The following ADAMTS7 variants were observed in gnomAD, a reference collection of about 807,000 sequenced individuals.
The protein encoded by ADAMTS7 is ADAM metallopeptidase with thrombospondin type 1 motif 7.
A neutral mutation model predicts 172.6 loss-of-function variants in ADAMTS7; 89 were observed. The observed-to-expected ratio is 0.52, with a 90% CI of 0.43 to 0.61. ADAMTS7 has a LOEUF of 0.61. ADAMTS7 is among the 20% of genes least tolerant of loss of function. The pLI, the probability that ADAMTS7 is intolerant of heterozygous loss-of-function variation, is 0.00. For missense variants in ADAMTS7, 1,973 were observed against 2,355.6 expected (o/e 0.84, Z 3.36); for synonymous variants, 885 against 978.4 (o/e 0.90, Z 1.78).
At chr15:78,806,599 C>T (rs1307086217) in intron 1 of ADAMTS7, among the ~76,000 whole-genome samples, 1 of 151,962 alleles carries the variant, frequency 6.6e-6, no homozygotes, top group Non-Finnish European at 1.5e-5. Context: ...TTGGAGAATC[C>T]AGGCCAGAAA....
chr15:78,811,346 C>T lies in ADAMTS7; in HGVS notation c.-126G>A. 1 of 1,141,710 alleles carries T rather than the reference C, an allele frequency of 8.8e-7. No individual in the cohort carries two copies. The highest frequency in any genetic ancestry group is 1.1e-6 in the Non-Finnish European group (1 of 911,228). The allele number at this position is 1,141,710 out of a possible 1,614,324, so 70.7% of individuals were successfully genotyped here. ...CGGCGTGCAGCTCCCGGCGACCCGG[C>T]CCCGACTCCGTTCGGCTGCGCTCGG... On this transcript the variant is annotated 5_prime_UTR_variant, in exon 1 of 24. Coordinates refer to ENST00000388820, the MANE Select transcript of ADAMTS7 (RefSeq NM_014272.5).
At chr15:78,770,704 A>G (rs12593429) in intron 16 of ADAMTS7, 148,525 of 148,722 alleles carry the variant, frequency 1, 74,164 homozygotes, top group Middle Eastern at 1. Flanking sequence ...GGGAGGAGAC[A>G]GAGGGCCAGA....
In ADAMTS7 at chr15:78,777,472, G is replaced by A. The variant is rs747684452; in HGVS notation, c.1439C>T (p.Ala480Val). 1.9e-6 allele frequency: 3 copies of A among 1,613,098 alleles called. No individual in the cohort carries two copies. The highest frequency in any genetic ancestry group is 8.5e-7 in the Non-Finnish European group (1 of 1,179,672). ...CATGTCCTCGCAGAAGGCAGAGTAG[G>A]CCCCGTACTGGAGGCGGCACTGGTG... ...VSHQCRLQYG[A>V]YSAFCEDMDN... The change falls in exon 9 of 24, where the codon GCC becomes GTC. Residue 480 changes from alanine to valine, a missense_variant. Ala to Val is a moderately conservative substitution (Grantham distance 64). Around this residue, in one of 8 missense-constraint regions of ADAMTS7, gnomAD observed 526 missense variants for 662.9 expected, o/e 0.79. Transcript: ENST00000388820.
At position 78,776,421 on chromosome 15, in the gene ADAMTS7, T is replaced by A; in HGVS notation, c.1561-88A>T. 4 of 1,515,960 alleles carry A rather than the reference T, an allele frequency of 2.6e-6. No individual in the cohort carries two copies. The South Asian group carries it at 3.8e-5, about 14-fold the overall frequency. The allele number at this position is 1,515,960 out of a possible 1,614,324, so 93.9% of individuals were successfully genotyped here. ...GTGAGAACAAGGTGGGTGGGAAGGC[T>A]GCGAAAGGCACAGAGGGGAAGGATG... On this transcript the variant is annotated intron_variant, in intron 10 of 23. Coordinates refer to ENST00000388820, the MANE Select transcript of ADAMTS7 (RefSeq NM_014272.5).
At chr15:78,759,685 CAG>C in intron 23 of ADAMTS7, 107 bp from the exon 24 acceptor site, 1 of 1,308,698 alleles carries the variant, frequency 7.6e-7, no homozygotes, top group South Asian at 1.6e-5. Flanking sequence ...CCCCACCAAG[CAG>C]AGAGCCCCAG....
Position 78,763,703 on chromosome 15 carries a change from C to T in ADAMTS7, c.4736G>A (p.Gly1579Asp), listed in dbSNP as rs368245832. The T allele has an allele frequency of 2.0e-6, 3 of 1,536,086 alleles. No individual in the cohort carries two copies. The highest frequency in any genetic ancestry group is 2.6e-6 in the Non-Finnish European group (3 of 1,145,168). Residue 1579 changes from glycine (G) to aspartate (D), a missense_variant, in exon 22 of 24, where the codon GGC becomes GAC. Transcript: ENST00000388820. ...PCTQWVVGPW[G>D]QCSGPCGGGV... is the part of the protein sequence containing the mutation. Reference sequence around the variant, plus strand: ...CCTCCCCGCAGCCCGGCTCACCTGGCCCCAGGGCCCCACCACCCACTGCGT... The same window carrying T: ...CCTCCCCGCAGCCCGGCTCACCTGGTCCCAGGGCCCCACCACCCACTGCGT...
At chr15:78,764,801 G>A (rs1383310439) in intron 19 of ADAMTS7, 94 bp from the exon 20 acceptor site, 18 of 1,314,144 alleles carry the variant, frequency 1.4e-5, no homozygotes, top group Non-Finnish European at 1.5e-5. Flanking sequence ...CGAGACCTCA[G>A]CAAGACAGGG....
Position 78,790,814 on chromosome 15 carries a change from C to T in ADAMTS7, c.904-20G>A. 6.2e-7 allele frequency: 1 copy of T among 1,611,998 alleles called. No homozygotes were observed. Among genetic ancestry groups the T allele is most frequent in the East Asian group, 2.2e-5 (1 of 44,862 alleles). On this transcript the variant is annotated intron_variant, in intron 5 of 23. Transcript: ENST00000388820. ...GTCCTCCTGGGGGCAGAGAGAGTGACTGCTCATGCCTCCCCTGAGTTCCAA... is the reference window on the plus strand; with the variant it reads ...GTCCTCCTGGGGGCAGAGAGAGTGATTGCTCATGCCTCCCCTGAGTTCCAA...
chr15:78,775,042 G>C (rs1319109310), intron 11 of ADAMTS7, among the ~76,000 whole-genome samples: 1 of 152,200 alleles, frequency 6.6e-6, no homozygotes. Flanking sequence ...GTGTGACCGT[G>C]GGCAAGTCTT....
intron 8 of ADAMTS7, among the ~76,000 whole-genome samples, chr15:78,786,384 G>A (rs1242430205): frequency 1.3e-5 from 2 of 152,130 alleles, no homozygotes; most frequent in African/African-American, 4.8e-5. Flanking sequence ...GTAGGAGTTC[G>A]GTGAGACTCA....
chr15:78,774,828 C>T, intron 11 of ADAMTS7, 35 bp from the exon 12 acceptor site: 1 of 1,555,046 alleles, frequency 6.4e-7, no homozygotes, highest in Non-Finnish European at 8.7e-7. Context: ...CCAGTGACGG[C>T]CCAGTGAGTG....
chr15:78,765,670 C>A lies in ADAMTS7; in HGVS notation c.4241G>T (p.Gly1414Val), dbSNP rs1308694005. The A allele has an allele frequency of 4.3e-6, 7 of 1,610,078 alleles. No individual in the cohort carries two copies. The highest frequency in any genetic ancestry group is 5.9e-6 in the Non-Finnish European group (7 of 1,179,498). The change falls in exon 19 of 24, where the codon GGC becomes GTC. Residue 1414 changes from glycine to valine, a missense_variant. Gly to Val is a moderately radical substitution (Grantham distance 109). This residue lies in a region of ADAMTS7 where 771 missense variants were observed against 952.6 expected (regional missense o/e 0.81). Transcript: ENST00000388820. Reference sequence around the variant, plus strand: ...CTCGCTCCAGTTTCCCGCTTGCCAGCCGGCGTTCCTGACAACCAACGGGTC... The same window carrying A: ...CTCGCTCCAGTTTCCCGCTTGCCAGACGGCGTTCCTGACAACCAACGGGTC... ...PADPLVVRNA[G>V]WQAGNWSECS...
chr15:78,762,127 A>C (rs1176555056), intron 23 of ADAMTS7: 12 of 962,818 alleles, frequency 1.2e-5, no homozygotes, highest in Non-Finnish European at 1.5e-5. Flanking sequence ...ACAGCAAATC[A>C]GGGGCCAGGG....
In ADAMTS7 at chr15:78,766,509, A is replaced by G. The variant is rs772465707; in HGVS notation, c.3402T>C (p.Pro1134=). Residue 1134 remains proline, a synonymous_variant, in exon 19 of 24, where the codon CCT becomes CCC. Transcript: ENST00000388820. Reference sequence around the variant, plus strand: ...GGGGTGGGGAGCGGCCGGCCTGGCTAGGCCAAGGGCTCGGGGACCAAGGTC... The same window carrying G: ...GGGGTGGGGAGCGGCCGGCCTGGCTGGGCCAAGGGCTCGGGGACCAAGGTC... The part of the protein sequence containing the change: ...VLGPWSPSPW[P]SQAGRSPPPP... The G allele has an allele frequency of 8.3e-5, 131 of 1,583,330 alleles. 1 individual carries two copies. Among genetic ancestry groups the G allele is most frequent in the Middle Eastern group, 4.6e-4 (2 of 4,312 alleles).
In ADAMTS7 at chr15:78,771,173, G is replaced by C. The variant is rs138365566; in HGVS notation, c.2507C>G (p.Thr836Ser). 81 of 1,609,240 alleles carry C rather than the reference G, an allele frequency of 5.0e-5. No homozygotes were observed. The highest frequency in any genetic ancestry group is 4.3e-4 in the Middle Eastern group (2 of 4,694). The change falls in exon 16 of 24, where the codon ACC becomes AGC. Residue 836 changes from threonine (T) to serine (S), a missense_variant. Physicochemically the swap from Thr to Ser is moderately conservative, Grantham distance 58. Transcript: ENST00000388820. The surrounding 1 kb of genome is among the most constrained non-coding windows in gnomAD (Gnocchi z 4.9). ...GCCCCACTTCTCACCTCTGCCGCAG[G>C]TGACTGTGCACTTGGTCCAGGGCCC... ...HYGPWTKCTV[T>S]CGRGVQRQNV... is the part of the protein sequence containing the mutation.
At position 78,808,758 on chromosome 15, in the gene ADAMTS7, G is replaced by A. The variant is rs551009760; in HGVS notation, c.100+2363C>T. 2.6e-5 allele frequency among the ~76,000 whole-genome samples: 4 copies of A among 152,340 alleles called. No individual in the cohort carries two copies. The South Asian group carries it at 8.3e-4, about 32-fold the overall frequency. On this transcript the variant is annotated intron_variant, in intron 1 of 23. Coordinates refer to ENST00000388820, the MANE Select transcript of ADAMTS7 (RefSeq NM_014272.5). Reference sequence around the variant, plus strand: ...TGCTTGCAACAAAGCTGAGCCTGCAGAGTTCAAGTGACAGTGGGATGGCAA... The same window carrying A: ...TGCTTGCAACAAAGCTGAGCCTGCAAAGTTCAAGTGACAGTGGGATGGCAA...
chr15:78,771,126 C>T lies in ADAMTS7; in HGVS notation c.2518+36G>A. The T allele has an allele frequency of 1.3e-6, 2 of 1,565,306 alleles. No homozygotes were observed. Among genetic ancestry groups the T allele is most frequent in the Non-Finnish European group, 8.7e-7 (1 of 1,153,232 alleles). ...CAGTGTCCCTGTCCAGACACTAAGC[C>T]CCTGCAGGTGGGGCTGTGCCTGCCC... On this transcript the variant is annotated intron_variant, in intron 16 of 23. Coordinates refer to ENST00000388820, the MANE Select transcript of ADAMTS7 (RefSeq NM_014272.5). This position sits in a 1 kb window ranked among gnomAD's most constrained non-coding sequence, Gnocchi z 4.9.
chr15:78,789,621 A>G, intron 7 of ADAMTS7, 68 bp downstream of exon 7: 1 of 1,583,178 alleles, frequency 6.3e-7, no homozygotes, highest in Non-Finnish European at 8.6e-7. Flanking sequence ...CAGGCTGGAT[A>G]CCCGGTGCCC....
rs779681303 is a variant in ADAMTS7 at position 78,765,824 on chromosome 15, G to A, written c.4087C>T (p.Leu1363Phe). 124 of 1,583,032 alleles carry A rather than the reference G, an allele frequency of 7.8e-5. No individual in the cohort carries two copies. Among genetic ancestry groups the A allele is most frequent in the Non-Finnish European group, 9.7e-5 (113 of 1,165,478 alleles). ...GAGCTCAGGGGCACCTCAGGGCTGA[G>A]GGACTCAGGCTGACCCTTGGGTCCT... ...NPGPKGQPES[L>F]SPEVPLSSRL... The change falls in exon 19 of 24, where the codon CTC becomes TTC. Residue 1363 changes from leucine (L) to phenylalanine (F), a missense_variant. Physicochemically the swap from Leu to Phe is conservative, Grantham distance 22 (BLOSUM62 0). Transcript: ENST00000388820.
Sources: gnomAD v4.1 joint callset for allele counts (sites outside exome capture counted in the v4.1 genomes callset) on GRCh38, gnomAD v4.1.1 for gene constraint, gnomAD v4.1.1 regional missense constraint, Gnocchi (gnomAD v3.1) non-coding constraint, MANE v1.5 for transcripts, NCBI Gene and HGNC (gene_info 2026-07-23, HGNC 2026-07-21) for gene names.